Variants in GALNT13 observed in about 807,000 individuals in gnomAD.
The protein encoded by GALNT13 is polypeptide N-acetylgalactosaminyltransferase 13.
In GALNT13, 28 loss-of-function variants were observed where a neutral mutation model predicts 64.2. That is an observed-to-expected ratio of 0.44 (90% CI 0.32 to 0.60). The LOEUF is 0.60. Ranked by LOEUF, GALNT13 falls within the 20% of genes least tolerant of loss-of-function variation. The probability of loss-of-function intolerance (pLI) is 0.05; values close to 1 mark genes in which losing one functional copy is unlikely to be tolerated. For synonymous variants in GALNT13, 214 were observed against 224.6 expected (o/e 0.95, Z 0.42); for missense variants, 577 against 669.8 (o/e 0.86, Z 1.53).
At chr2:153,228,869 CAAAA>C in the GALNT13 span, among the ~76,000 whole-genome samples, 23 of 68,634 alleles carry the variant, frequency 3.4e-4, no homozygotes, top group Admixed American at 1.9e-3. Flanking sequence ...GAGACTGTCT[CAAAA>C]AAAAAAAAAA....
intron 12 of GALNT13, among the ~76,000 whole-genome samples, chr2:154,447,226 G>A (rs1239287318): frequency 2.0e-5 from 3 of 151,774 alleles, no homozygotes; most frequent in Non-Finnish European, 4.4e-5. Flanking sequence ...TGCAAATATG[G>A]CATATCCTTT....
the GALNT13 span, among the ~76,000 whole-genome samples, chr2:153,194,271 CT>C: frequency 6.6e-6 from 1 of 151,972 alleles, no homozygotes; most frequent in Admixed American, 6.5e-5. Context: ...ATCATGAAGG[CT>C]TTCTTTTTAT....
chr2:153,803,170 C>T, the GALNT13 span, among the ~76,000 whole-genome samples: 8 of 152,154 alleles, frequency 5.3e-5, no homozygotes, highest in Non-Finnish European at 1.0e-4. Flanking sequence ...GCCTCAAGCT[C>T]GTCTTACCCC....
the GALNT13 span, among the ~76,000 whole-genome samples, chr2:153,634,402 A>G: frequency 6.6e-6 from 1 of 152,046 alleles, no homozygotes; most frequent in Admixed American, 6.6e-5. Flanking sequence ...GGGACATTTT[A>G]TAATTGTTCT....
chr2:153,311,559 T>G, the GALNT13 span, among the ~76,000 whole-genome samples: 1 of 152,156 alleles, frequency 6.6e-6, no homozygotes, highest in Non-Finnish European at 1.5e-5. Context: ...GTTGGCTGAG[T>G]TGCAGCTGTC....
chr2:153,110,289 A>G, the GALNT13 span, among the ~76,000 whole-genome samples: 1 of 152,082 alleles, frequency 6.6e-6, no homozygotes, highest in East Asian at 1.9e-4. Context: ...TTAATAGTGG[A>G]TATAGGATTT....
the GALNT13 span, among the ~76,000 whole-genome samples, chr2:153,835,371 T>C: frequency 1.3e-5 from 2 of 152,188 alleles, no homozygotes; most frequent in African/African-American, 2.4e-5. Flanking sequence ...TACTTTCTTA[T>C]TAATTCACTT....
At chr2:153,552,937 T>C in the GALNT13 span, among the ~76,000 whole-genome samples, 1 of 152,084 alleles carries the variant, frequency 6.6e-6, no homozygotes, top group Non-Finnish European at 1.5e-5. Flanking sequence ...AGGTGGAAGC[T>C]CAGGCAGTAA....
At chr2:153,384,288 T>C in the GALNT13 span, among the ~76,000 whole-genome samples, 1 of 152,076 alleles carries the variant, frequency 6.6e-6, no homozygotes, top group Admixed American at 6.6e-5. Context: ...ATCTGAAGAC[T>C]TACTATTTCT....
chr2:153,299,812 T>C, the GALNT13 span, among the ~76,000 whole-genome samples: 1 of 152,208 alleles, frequency 6.6e-6, no homozygotes, highest in Non-Finnish European at 1.5e-5. Context: ...CCACTTTCAA[T>C]TTTTATACCT....
intron 4 of GALNT13, among the ~76,000 whole-genome samples, chr2:154,175,512 C>T (rs551794793): frequency 1.3e-5 from 2 of 152,168 alleles, no homozygotes; most frequent in East Asian, 3.9e-4. Context: ...ATAATTGAAG[C>T]TAAATGGGAT....
the GALNT13 span, among the ~76,000 whole-genome samples, chr2:153,171,401 A>T: frequency 6.6e-6 from 1 of 152,218 alleles, no homozygotes; most frequent in African/African-American, 2.4e-5. Context: ...TATTAAACTA[A>T]TTAACATTAA....
intron 3 of GALNT13, among the ~76,000 whole-genome samples, chr2:154,133,537 TATATATATA>T (rs1682757371): frequency 4.2e-4 from 3 of 7,214 alleles, no homozygotes; most frequent in African/African-American, 1.7e-3. Flanking sequence ...GACCATTTTA[TATATATATA>T]TATATATATA....
intron 9 of GALNT13, among the ~76,000 whole-genome samples, chr2:154,362,720 G>C (rs868668290): frequency 6.6e-6 from 1 of 152,068 alleles, no homozygotes; most frequent in African/African-American, 2.4e-5. Flanking sequence ...ACTAAGTTTT[G>C]CATAACTGCT....
the GALNT13 span, among the ~76,000 whole-genome samples, chr2:153,397,955 G>A: frequency 8.9e-4 from 135 of 152,004 alleles, 3 homozygotes; most frequent in East Asian, 0.022. Flanking sequence ...AAGTTTCAGG[G>A]TACATGTGCA....
At chr2:153,724,930 A>G in the GALNT13 span, among the ~76,000 whole-genome samples, 2 of 151,322 alleles carry the variant, frequency 1.3e-5, no homozygotes, top group Non-Finnish European at 3.0e-5. Flanking sequence ...TAGAAATACC[A>G]TTTGACCCAG....
At chr2:153,784,754 C>T in the GALNT13 span, among the ~76,000 whole-genome samples, 2 of 152,190 alleles carry the variant, frequency 1.3e-5, no homozygotes, top group Non-Finnish European at 2.9e-5. Flanking sequence ...TTCCACAACA[C>T]CTCGCAGGAT....
At chr2:153,797,174 A>G in the GALNT13 span, among the ~76,000 whole-genome samples, 1 of 152,224 alleles carries the variant, frequency 6.6e-6, no homozygotes, top group Admixed American at 6.5e-5. Flanking sequence ...CAGAGAGCCT[A>G]ATGGCAAGTC....
intron 4 of GALNT13, among the ~76,000 whole-genome samples, chr2:154,152,623 T>C (rs533310847): frequency 1.3e-5 from 2 of 152,130 alleles, no homozygotes; most frequent in Admixed American, 6.5e-5. Flanking sequence ...GGAGGCTTTG[T>C]TCATTTCTTT....
Sources: gnomAD v4.1 joint callset for allele counts (sites outside exome capture counted in the v4.1 genomes callset) on GRCh38, gnomAD v4.1.1 for gene constraint, MANE v1.5 for transcripts, NCBI Gene and HGNC (gene_info 2026-07-23, HGNC 2026-07-21) for gene names.